The following BFSP1 variants were observed in gnomAD, a reference collection of about 807,000 sequenced individuals.
BFSP1 encodes the protein beaded filament structural protein 1.
BFSP1 carries 38 observed loss-of-function variants against 43.9 expected under a neutral mutation model. The observed-to-expected ratio is 0.87, with a 90% CI of 0.67 to 1.14. The LOEUF (loss-of-function observed/expected upper bound fraction) is 1.14, where lower values mean the gene tolerates loss of function less well. Among genes scored for constraint, BFSP1 ranks in the 50% most tolerant of loss-of-function variants. The probability of loss-of-function intolerance (pLI) is 0.00; values close to 1 mark genes in which losing one functional copy is unlikely to be tolerated. For missense variants in BFSP1, 850 were observed against 875.1 expected (o/e 0.97, Z 0.36); for synonymous variants, 352 against 354.8 (o/e 0.99, Z 0.09).
intron 1 of BFSP1, among the ~76,000 whole-genome samples, chr20:17,541,845 G>A (rs2034723635): frequency 6.6e-6 from 1 of 152,216 alleles, no homozygotes; most frequent in African/African-American, 2.4e-5. Flanking sequence ...GTCCTTGTCT[G>A]TAAAATGCAC....
chr20:17,542,712 C>A (rs1234036114), intron 1 of BFSP1, among the ~76,000 whole-genome samples: 2 of 152,156 alleles, frequency 1.3e-5, no homozygotes, highest in African/African-American at 4.8e-5. Context: ...TCTCATTAAG[C>A]TCAAAGAGAG....
intron 1 of BFSP1, among the ~76,000 whole-genome samples, chr20:17,547,178 T>A (rs2034816945): frequency 6.6e-6 from 1 of 151,678 alleles, no homozygotes; most frequent in African/African-American, 2.4e-5. Flanking sequence ...CTGTAAAAAA[T>A]TAAATATAAT....
chr20:17,504,475 G>A (rs1036979605), intron 5 of BFSP1, among the ~76,000 whole-genome samples: 7 of 152,144 alleles, frequency 4.6e-5, no homozygotes, highest in Admixed American at 2.6e-4. Flanking sequence ...AATGAGACAC[G>A]GACCCTCCTC....
chr20:17,530,754 G>A (rs2034515863), intron 1 of BFSP1, among the ~76,000 whole-genome samples, 199 bp downstream of exon 1: 1 of 152,240 alleles, frequency 6.6e-6, no homozygotes, highest in African/African-American at 2.4e-5. Context: ...ACAACTTCGT[G>A]TAAACTGTGA....
At chr20:17,556,868 A>T (rs2035000754) in intron 1 of BFSP1, among the ~76,000 whole-genome samples, 1 of 152,126 alleles carries the variant, frequency 6.6e-6, no homozygotes, top group Admixed American at 6.5e-5. Context: ...CCCCTGATAA[A>T]TCTGTATTTT....
At chr20:17,540,060 A>G (rs2034692034) in intron 1 of BFSP1, among the ~76,000 whole-genome samples, 1 of 152,218 alleles carries the variant, frequency 6.6e-6, no homozygotes. Flanking sequence ...CCTCAGACCT[A>G]AACTCCACAT....
chr20:17,508,926 G>A lies in BFSP1; in HGVS notation c.698C>T (p.Ser233Phe), dbSNP rs779838677. 1.2e-6 allele frequency: 2 copies of A among 1,605,096 alleles called. No homozygotes were observed. Among genetic ancestry groups the A allele is most frequent in the South Asian group, 2.2e-5 (2 of 89,078 alleles). ...CTCCACTCTCTGCGCCTGCAGGTGG[G>A]AGAGCACCTCCCGGCCCTCCTCCAG... ...SQLEEGREVL[S>F]HLQAQRVELQ... Residue 233 changes from serine (S) to phenylalanine (F), a missense_variant, in exon 5 of 8, where the codon TCC becomes TTC. Transcript: ENST00000377873.
chr20:17,534,876 C>T (rs570956302), upstream of BFSP1, among the ~76,000 whole-genome samples: 9 of 151,934 alleles, frequency 5.9e-5, no homozygotes, highest in East Asian at 9.7e-4. Context: ...AAAAATTAGC[C>T]GGACGTCGTG....
At chr20:17,542,734 G>A (rs1220684115) in intron 1 of BFSP1, among the ~76,000 whole-genome samples, 1 of 152,164 alleles carries the variant, frequency 6.6e-6, no homozygotes, top group Non-Finnish European at 1.5e-5. Flanking sequence ...CTTCCTAAGT[G>A]TATTGTTTAA....
rs138123304 is a variant in BFSP1 at position 17,554,086 on chromosome 20, A to G, written c.2+4602T>C. Among the ~76,000 whole-genome samples, 465 of 151,806 alleles carry G rather than the reference A, an allele frequency of 3.1e-3. 1 individual carries two copies. The highest frequency in any genetic ancestry group is 3.7e-3 in the Non-Finnish European group (254 of 67,908). ...GCATGATTTTCTAGAAAAAAAGACA[A>G]AGTGCCAAAGTTGACTCAAGAAATA... On this transcript the variant is annotated intron_variant, in intron 1 of 7. Transcript: ENST00000377868.
At chr20:17,521,747 C>T (rs993945344) in intron 2 of BFSP1, among the ~76,000 whole-genome samples, 2 of 152,092 alleles carry the variant, frequency 1.3e-5, no homozygotes, top group African/African-American at 2.4e-5. Flanking sequence ...GGGAGGTGAT[C>T]CCAGGAAGCA....
At chr20:17,500,802 T>C (rs929450016) in intron 5 of BFSP1, among the ~76,000 whole-genome samples, 1 of 152,154 alleles carries the variant, frequency 6.6e-6, no homozygotes, top group African/African-American at 2.4e-5. Flanking sequence ...TTAAAAAAAA[T>C]TTAAACTTTA....
chr20:17,566,381 G>C (rs553374370), intron 1 of BFSP1, among the ~76,000 whole-genome samples: 7 of 152,254 alleles, frequency 4.6e-5, no homozygotes, highest in Non-Finnish European at 5.9e-5. Flanking sequence ...CACAGATTAA[G>C]TATGCAAAAT....
At chr20:17,568,410 G>A (rs1030669025) in intron 1 of BFSP1, among the ~76,000 whole-genome samples, 2 of 151,934 alleles carry the variant, frequency 1.3e-5, no homozygotes, top group African/African-American at 4.8e-5. Context: ...AAGGGCCACA[G>A]GGTCCTAGGC....
At chr20:17,508,861 A>C in intron 5 of BFSP1, 28 bp downstream of exon 5, 2 of 1,521,990 alleles carry the variant, frequency 1.3e-6, no homozygotes, top group Non-Finnish European at 1.8e-6. Flanking sequence ...GGGAAGCCCC[A>C]ATGCACACGC....
chr20:17,517,573 C>A (rs1001328926), intron 2 of BFSP1, among the ~76,000 whole-genome samples: 2 of 152,080 alleles, frequency 1.3e-5, no homozygotes, highest in Non-Finnish European at 1.5e-5. Context: ...TGTGAGCCAC[C>A]GTGCCTGGCC....
chr20:17,517,341 C>CAAACA, intron 2 of BFSP1: 5 of 1,001,434 alleles, frequency 5.0e-6, no homozygotes, highest in Non-Finnish European at 6.1e-6. Context: ...CATGAACTAA[C>CAAACA]AAACAAAACA....
chr20:17,542,072 A>C (rs1445450064), intron 1 of BFSP1, among the ~76,000 whole-genome samples: 1 of 152,144 alleles, frequency 6.6e-6, no homozygotes, highest in African/African-American at 2.4e-5. Flanking sequence ...TGCAGAGTCA[A>C]CACATCAATG....
intron 1 of BFSP1, among the ~76,000 whole-genome samples, chr20:17,547,596 CA>C (rs1469532502): frequency 3.9e-5 from 6 of 152,076 alleles, no homozygotes; most frequent in Admixed American, 6.5e-5. Flanking sequence ...TGCTTAAGCC[CA>C]GTTTAACAAT....
Sources: allele counts gnomAD v4.1 joint callset (sites outside exome capture counted in the v4.1 genomes callset), GRCh38; gene constraint gnomAD v4.1.1; transcripts MANE v1.5; gene names NCBI Gene and HGNC (gene_info 2026-07-23, HGNC 2026-07-21).